Variants in CCBE1 observed in about 807,000 individuals in gnomAD.
CCBE1 encodes collagen and calcium binding EGF domains 1.
CCBE1 carries 37 observed loss-of-function variants against 50.0 expected under a neutral mutation model. The observed-to-expected ratio is 0.74, with a 90% CI of 0.57 to 0.97. The LOEUF is 0.97. Among genes scored for constraint, CCBE1 ranks in the 50% least tolerant of loss-of-function variants. The pLI is 0.00. For missense variants in CCBE1, 538 were observed against 523.8 expected (o/e 1.03, Z -0.26); for synonymous variants, 234 against 203.7 (o/e 1.15, Z -1.27).
rs752150539 is a variant in CCBE1 at position 59,583,654 on chromosome 18, C to CGTGTGT, written c.213-103422_213-103417dup. On this transcript the variant is annotated intron_variant, in intron 2 of 10. Transcript: ENST00000439986. ...AAGGCCTTACCCTGTCACTGCTTTG[C>CGTGTGT]GTGTGTGTGTGTGTGTGTGTGTGTG... Among the ~76,000 whole-genome samples, 974 of 142,164 alleles carry CGTGTGT rather than the reference C, an allele frequency of 6.9e-3. 11 individuals are homozygous for CGTGTGT. The highest frequency in any genetic ancestry group is 0.023 in the African/African-American group (898 of 38,488). The allele number at this position is 142,164 out of a possible 152,430, so 93.3% of individuals were successfully genotyped here.
intron 7 of CCBE1, among the ~76,000 whole-genome samples, chr18:59,441,821 A>G (rs1037604870): frequency 1.5e-4 from 23 of 152,248 alleles, no homozygotes; most frequent in African/African-American, 5.5e-4. Flanking sequence ...AATCACAAAG[A>G]GGAAGATAAA....
At chr18:59,481,412 A>T (rs1912564920) in intron 2 of CCBE1, among the ~76,000 whole-genome samples, 1 of 152,194 alleles carries the variant, frequency 6.6e-6, no homozygotes, top group Non-Finnish European at 1.5e-5. Flanking sequence ...TATATTTGAA[A>T]AAACAGTGGC....
chr18:59,621,127 C>T lies in CCBE1; in HGVS notation c.212+75502G>A, dbSNP rs545548702. On this transcript the variant is annotated intron_variant, in intron 2 of 10. Coordinates refer to ENST00000439986, the MANE Select transcript of CCBE1 (RefSeq NM_133459.4). ...AGGGATTCCCAGGACTCCAGCAAAA[C>T]AGAGCATGTGACTGGGGCCCCAGGG... Among the ~76,000 whole-genome samples, 124 of 152,330 alleles carry T rather than the reference C, an allele frequency of 8.1e-4. No individual in the cohort carries two copies. The Middle Eastern group carries it at 0.01, about 13-fold the overall frequency.
intron 2 of CCBE1, among the ~76,000 whole-genome samples, chr18:59,631,226 G>C (rs978409208): frequency 1.3e-5 from 2 of 151,946 alleles, no homozygotes; most frequent in Non-Finnish European, 1.5e-5. Context: ...AAAAAAAAAG[G>C]CATGAAGGAT....
At chr18:59,549,560 T>C (rs190787255) in intron 2 of CCBE1, among the ~76,000 whole-genome samples, 4 of 152,306 alleles carry the variant, frequency 2.6e-5, no homozygotes, top group African/African-American at 9.6e-5. Context: ...GATTAAGACC[T>C]TGGGAACAGC....
intron 5 of CCBE1, among the ~76,000 whole-genome samples, chr18:59,457,354 AG>A (rs1911244749): frequency 6.6e-6 from 1 of 152,172 alleles, no homozygotes; most frequent in Non-Finnish European, 1.5e-5. Flanking sequence ...CACAAACTTG[AG>A]TCCCACTGTT....
chr18:59,472,479 C>A (rs144237299), intron 3 of CCBE1, among the ~76,000 whole-genome samples: 2 of 152,208 alleles, frequency 1.3e-5, no homozygotes, highest in Non-Finnish European at 2.9e-5. Flanking sequence ...CTCAATTTTG[C>A]GAATCTCTTC....
intron 2 of CCBE1, among the ~76,000 whole-genome samples, chr18:59,589,946 A>G (rs1458203926): frequency 6.6e-6 from 1 of 152,220 alleles, no homozygotes; most frequent in Non-Finnish European, 1.5e-5. Context: ...TTATTTCCAT[A>G]GTGCTAAGAA....
At chr18:59,437,266 T>C (rs1910200815) in intron 10 of CCBE1, among the ~76,000 whole-genome samples, 1 of 152,182 alleles carries the variant, frequency 6.6e-6, no homozygotes, top group Non-Finnish European at 1.5e-5. Context: ...GTAAAATCGT[T>C]ATCATCTCCC....
intron 2 of CCBE1, among the ~76,000 whole-genome samples, chr18:59,642,948 C>CAAAAAAAAA (rs10683687): frequency 4.2e-5 from 4 of 94,198 alleles, no homozygotes; most frequent in African/African-American, 1.7e-4. Context: ...GACTCCACCT[C>CAAAAAAAAA]AAAAAAAAAA....
intron 2 of CCBE1, among the ~76,000 whole-genome samples, chr18:59,690,265 T>A (rs2054711921): frequency 1.3e-5 from 2 of 152,200 alleles, no homozygotes; most frequent in South Asian, 4.1e-4. Flanking sequence ...TAAAACACTA[T>A]TTAAAATGAG....
intron 2 of CCBE1, among the ~76,000 whole-genome samples, chr18:59,517,524 G>T (rs922574299): frequency 1.3e-5 from 2 of 152,210 alleles, no homozygotes; most frequent in African/African-American, 4.8e-5. Context: ...TGTAAGTACA[G>T]CTTAAGCCAG....
intron 2 of CCBE1, among the ~76,000 whole-genome samples, chr18:59,562,852 G>A (rs913134123): frequency 5.9e-5 from 9 of 151,950 alleles, no homozygotes; most frequent in African/African-American, 2.2e-4. Flanking sequence ...TGTCCTCTGT[G>A]CCATCACTGA....
intron 2 of CCBE1, among the ~76,000 whole-genome samples, chr18:59,518,032 C>T (rs1319329037): frequency 1.3e-5 from 2 of 151,936 alleles, no homozygotes; most frequent in East Asian, 1.9e-4. Context: ...AGGAAACTTG[C>T]ACCCATTCCT....
At chr18:59,657,234 C>T (rs546774624) in intron 2 of CCBE1, among the ~76,000 whole-genome samples, 2 of 152,236 alleles carry the variant, frequency 1.3e-5, no homozygotes, top group Non-Finnish European at 2.9e-5. Flanking sequence ...CAGATGTGTG[C>T]GAGGGTAGAG....
intron 2 of CCBE1, among the ~76,000 whole-genome samples, chr18:59,542,310 G>C (rs1206733946): frequency 1.6e-5 from 1 of 64,230 alleles, no homozygotes; most frequent in Non-Finnish European, 3.4e-5. Flanking sequence ...GGGGTATCCA[G>C]ACAGTATGAA....
rs530018353 is a variant in CCBE1 at position 59,546,693 on chromosome 18, A to G, written c.213-66455T>C. 9.8e-5 allele frequency among the ~76,000 whole-genome samples: 15 copies of G among 152,306 alleles called. No individual in the cohort carries two copies. The South Asian group carries it at 2.7e-3, about 27-fold the overall frequency. ...AGAAATCCAAATCCCTTCCCACATTATATCTGGTAAATATTTTCCTTAGTC... is the reference window on the plus strand; with the variant it reads ...AGAAATCCAAATCCCTTCCCACATTGTATCTGGTAAATATTTTCCTTAGTC... On this transcript the variant is annotated intron_variant, in intron 2 of 10. Transcript: ENST00000439986.
chr18:59,639,415 T>C (rs1379121876), intron 2 of CCBE1, among the ~76,000 whole-genome samples: 1 of 152,206 alleles, frequency 6.6e-6, no homozygotes, highest in African/African-American at 2.4e-5. Flanking sequence ...TCTCAATAGA[T>C]GCAGAAAAGA....
chr18:59,657,441 G>A (rs977412483), intron 2 of CCBE1, among the ~76,000 whole-genome samples: 2 of 152,238 alleles, frequency 1.3e-5, no homozygotes, highest in African/African-American at 4.8e-5. Flanking sequence ...ACAGGGCAGG[G>A]CCCTATGCAG....
Sources: allele counts gnomAD v4.1 joint callset (sites outside exome capture counted in the v4.1 genomes callset), GRCh38; gene constraint gnomAD v4.1.1; transcripts MANE v1.5; gene names NCBI Gene and HGNC (gene_info 2026-07-23, HGNC 2026-07-21).